The following JAKMIP3 variants were observed in gnomAD, a reference collection of about 807,000 sequenced individuals.
JAKMIP3 encodes janus kinase and microtubule-interacting protein 3.
A neutral mutation model predicts 118.5 loss-of-function variants in JAKMIP3; 58 were observed. The ratio of observed to expected loss-of-function variants is 0.49; its 90% CI spans 0.40 to 0.61. The LOEUF is 0.61. Ranked by LOEUF, JAKMIP3 falls within the 20% of genes least tolerant of loss-of-function variation. JAKMIP3 has a pLI of 0.00. For missense variants in JAKMIP3, 950 were observed against 1,109.0 expected, an observed-to-expected ratio of 0.86 and a Z score of 2.04; for synonymous variants, 486 against 451.2, an observed-to-expected ratio of 1.08 and a Z score of -0.98.
rs1565021418 is a variant in JAKMIP3 at position 132,180,728 on chromosome 10, TGCGTGTGTGCGTGC to T, written c.*1104-1627_*1104-1614del. 4.7e-3 allele frequency among the ~76,000 whole-genome samples: 94 copies of T among 19,830 alleles called. 19 individuals are homozygous for T. Among genetic ancestry groups the T allele is most frequent in the African/African-American group, 0.028 (87 of 3,146 alleles). The allele number at this position is 19,830 out of a possible 152,430, so 13.0% of individuals were successfully genotyped here. A position where few individuals can be genotyped will look rare whatever the true frequency, so the allele number is the denominator to read the frequency against. ...GTGTGCGCGTGTGTGTGCGTGTGTG[TGCGTGTGTGCGTGC>T]GTGCGCGCGCGTGTGTGCGTGTGTG... On this transcript the variant is annotated intron_variant, in intron 23 of 23. Coordinates refer to ENST00000684848, the MANE Select transcript of JAKMIP3 (RefSeq NM_001323087.2).
At chr10:132,061,243 CGCACACACACACCTGCCGTGATG>C (rs1188923649), upstream of JAKMIP3, among the ~76,000 whole-genome samples, 26 of 140,936 alleles carry the variant, frequency 1.8e-4, no homozygotes, top group East Asian at 3.4e-4. Context: ...GCCGTGACGG[CGCACACACACACCTGCCGTGATG>C]GCGCGCACAC....
chr10:132,079,739 C>T (rs1338797188), intron 1 of JAKMIP3, among the ~76,000 whole-genome samples: 1 of 152,182 alleles, frequency 6.6e-6, no homozygotes. Flanking sequence ...TTGAACAGCT[C>T]CTCACTTCCC....
intron 1 of JAKMIP3, among the ~76,000 whole-genome samples, chr10:132,068,820 C>T (rs74685102): frequency 0.017 from 2,653 of 152,240 alleles, 68 homozygotes; most frequent in Non-Finnish European, 0.019. Context: ...CTGTGGTTGC[C>T]AGTTTCCAAG....
chr10:132,047,639 C>G (rs1254414523), intron 1 of JAKMIP3, among the ~76,000 whole-genome samples: 2 of 87,778 alleles, frequency 2.3e-5, no homozygotes, highest in African/African-American at 7.9e-5. Context: ...CCACCCCCCC[C>G]TGCGAGTTGG....
At chr10:132,159,470 T>TCCTGTGTAATGCTGGAGGAGGCTCTC (rs1300710979) in intron 19 of JAKMIP3, among the ~76,000 whole-genome samples, 2 of 120,732 alleles carry the variant, frequency 1.7e-5, no homozygotes. Flanking sequence ...GGGGCTCTCT[T>TCCTGTGTAATGCTGGAGGAGGCTCTC]CCTGTGTAAT....
At chr10:132,070,659 C>T (rs150298773) in intron 1 of JAKMIP3, among the ~76,000 whole-genome samples, 60 of 152,168 alleles carry the variant, frequency 3.9e-4, no homozygotes, top group African/African-American at 1.4e-3. Flanking sequence ...GACCTTGGTA[C>T]CTTCCTTTTC....
At position 132,133,613 on chromosome 10, in the gene JAKMIP3, C is replaced by T. The variant is rs952283129; in HGVS notation, c.849+86C>T. 48 of 1,261,966 alleles carry T rather than the reference C, an allele frequency of 3.8e-5. No individual in the cohort carries two copies. The African/African-American group carries it at 6.4e-4, about 17-fold the overall frequency. The allele number at this position is 1,261,966 out of a possible 1,614,324, so 78.2% of individuals were successfully genotyped here. A position where few individuals can be genotyped will look rare whatever the true frequency, so the allele number is the denominator to read the frequency against. ...TGCATGGCCCTGCATGGGCCACTCC[C>T]CCAGGAGACCAGAGCCCGAGTTGAG... On this transcript the variant is annotated intron_variant, in intron 4 of 23. Coordinates refer to ENST00000684848, the MANE Select transcript of JAKMIP3 (RefSeq NM_001323087.2).
rs1343872557 is a variant in JAKMIP3 at position 132,038,764 on chromosome 10, G to A, written c.-138+2026G>A. ...GCTGAGATCGCGCCACTGCACTCCA[G>A]CCTGGGCAACAGAATGAGACTGTCT... On this transcript the variant is annotated intron_variant, in intron 1 of 23. Transcript: ENST00000657785. Among the ~76,000 whole-genome samples the A allele has an allele frequency of 2.1e-5, 3 of 143,086 alleles. No homozygotes were observed. In the East Asian group the frequency reaches 6.3e-4, roughly 30 times the overall value. 93.9% of individuals were successfully genotyped at this position (143,086 alleles called of 152,430 possible).
At chr10:132,040,939 A>G (rs1341289824) in intron 1 of JAKMIP3, among the ~76,000 whole-genome samples, 2 of 151,970 alleles carry the variant, frequency 1.3e-5, no homozygotes, top group African/African-American at 2.4e-5. Flanking sequence ...GCAGTACTCG[A>G]TTTTCTGTGC....
chr10:132,084,676 C>G (rs1164362862), intron 1 of JAKMIP3, among the ~76,000 whole-genome samples: 3 of 152,140 alleles, frequency 2.0e-5, no homozygotes, highest in Admixed American at 2.0e-4. Flanking sequence ...ATGCTTTCAG[C>G]TTTTTCCCAT....
At chr10:132,161,864 TG>T (rs1190782385) in intron 19 of JAKMIP3, among the ~76,000 whole-genome samples, 2 of 83,190 alleles carry the variant, frequency 2.4e-5, no homozygotes, top group African/African-American at 8.9e-5. Flanking sequence ...TGGGTGATGC[TG>T]GGGGGGCCTC....
chr10:132,061,289 A>G (rs2038390963), upstream of JAKMIP3, among the ~76,000 whole-genome samples: 1 of 151,952 alleles, frequency 6.6e-6, no homozygotes, highest in Admixed American at 6.6e-5. Context: ...ACCTGCCGTG[A>G]CGGCACACAC....
chr10:132,103,977 C>T (rs1174525705), intron 1 of JAKMIP3, among the ~76,000 whole-genome samples: 2 of 152,226 alleles, frequency 1.3e-5, no homozygotes, highest in Non-Finnish European at 2.9e-5. Flanking sequence ...AATCATGCGG[C>T]ATTTGTCCTT....
chr10:132,039,140 T>C (rs1564846866), intron 1 of JAKMIP3, among the ~76,000 whole-genome samples: 1 of 152,238 alleles, frequency 6.6e-6, no homozygotes, highest in East Asian at 1.9e-4. Flanking sequence ...TCTGTCTCAT[T>C]TTTAAAAATA....
chr10:132,117,340 C>T lies in JAKMIP3; in HGVS notation c.399C>T (p.Thr133=), dbSNP rs200538281. The T allele has an allele frequency of 2.0e-4, 319 of 1,613,962 alleles. No individual in the cohort carries two copies. Among genetic ancestry groups the T allele is most frequent in the Non-Finnish European group, 2.4e-4 (289 of 1,179,886 alleles). The part of the protein sequence containing the change: ...LRDGGPEKVK[T]VLLSEAKEEA... Reference sequence around the variant, plus strand: ...ATGGCGGCCCCGAAAAGGTCAAGACCGTGCTGCTGTCCGAGGCCAAGGAGG... The same window carrying T: ...ATGGCGGCCCCGAAAAGGTCAAGACTGTGCTGCTGTCCGAGGCCAAGGAGG... The change falls in exon 3 of 24, where the codon ACC becomes ACT. Residue 133 remains threonine, a synonymous_variant. Transcript: ENST00000684848. This position sits in a 1 kb window ranked among gnomAD's most constrained non-coding sequence, Gnocchi z 8.6.
At position 132,149,571 on chromosome 10, in the gene JAKMIP3, T is replaced by TCCCTGCCCCCGCCCCACCCC. The variant is rs1589954232; in HGVS notation, c.1947+62_1947+63insCCTGCCCCCGCCCCACCCCC. Reference sequence around the variant, plus strand: ...CTCACCCATCCCCCGCCCCACCCCCTCTCCGCCCCCGCCCCACCCCCCTCC... The same window carrying TCCCTGCCCCCGCCCCACCCC: ...CTCACCCATCCCCCGCCCCACCCCCTCCCTGCCCCCGCCCCACCCCCTCCGCCCCCGCCCCACCCCCCTCC... On this transcript the variant is annotated intron_variant, in intron 15 of 23. Transcript: ENST00000684848. 121 of 311,774 alleles carry TCCCTGCCCCCGCCCCACCCC rather than the reference T, an allele frequency of 3.9e-4. 1 individual carries two copies. The highest frequency in any genetic ancestry group is 2.6e-3 in the East Asian group (23 of 8,782). The allele number at this position is 311,774 out of a possible 1,614,324, so 19.3% of individuals were successfully genotyped here.
chr10:132,051,900 G>A (rs981457481), intron 1 of JAKMIP3, among the ~76,000 whole-genome samples: 3 of 152,312 alleles, frequency 2.0e-5, no homozygotes, highest in South Asian at 2.1e-4. Context: ...TAGCCACCAC[G>A]CTTGGCCAGC....
At chr10:132,065,324 C>T (rs964673141), upstream of JAKMIP3, among the ~76,000 whole-genome samples, 5 of 152,124 alleles carry the variant, frequency 3.3e-5, no homozygotes, top group African/African-American at 1.2e-4. The surrounding 1 kb of genome is among the most constrained non-coding windows in gnomAD (Gnocchi z 5.6). Flanking sequence ...CACAGGAATG[C>T]TGCTGGTCTC....
At chr10:132,129,444 C>T (rs541233578) in intron 3 of JAKMIP3, among the ~76,000 whole-genome samples, 5 of 152,282 alleles carry the variant, frequency 3.3e-5, no homozygotes, top group African/African-American at 1.2e-4. Context: ...CTGAGGGAAT[C>T]CTTAGTCAGA....
Sources: allele counts gnomAD v4.1 joint callset (sites outside exome capture counted in the v4.1 genomes callset), GRCh38; gene constraint gnomAD v4.1.1; non-coding constraint Gnocchi (gnomAD v3.1); transcripts MANE v1.5; gene names NCBI Gene and HGNC (gene_info 2026-07-23, HGNC 2026-07-21).